Variants in DMD observed in about 807,000 individuals in gnomAD.
The protein encoded by DMD is dystrophin, also known as mutant dystrophin.
DMD carries 63 observed loss-of-function variants against 330.1 expected under a neutral mutation model. That is an observed-to-expected ratio of 0.19 (90% CI 0.16 to 0.24). DMD has a LOEUF of 0.24. DMD is among the 10% of genes least tolerant of loss of function. The pLI, the probability that DMD is intolerant of heterozygous loss-of-function variation, is 1.00. For missense variants in DMD, 3,344 were observed against 2,684.1 expected (o/e 1.25, Z -5.43); for synonymous variants, 1,223 against 959.8 (o/e 1.27, Z -5.07).
At chrX:33,091,570 C>A (rs1254768663) in intron 1 of DMD, among the ~76,000 whole-genome samples, 1 of 111,985 alleles carries the variant, frequency 8.9e-6, no homozygotes, top group East Asian at 2.8e-4. Flanking sequence ...GTTTTTTCTA[C>A]TTTTTATTTC....
At chrX:31,483,337 C>T (rs775093818) in intron 57 of DMD, among the ~76,000 whole-genome samples, 9 of 111,748 alleles carry the variant, frequency 8.1e-5, no homozygotes, top group African/African-American at 9.8e-5. Context: ...TGAGCCACCA[C>T]GCCCGGCCGG....
At chrX:32,377,896 T>C (rs2097910309) in intron 34 of DMD, among the ~76,000 whole-genome samples, 1 of 111,413 alleles carries the variant, frequency 9.0e-6, no homozygotes, top group Non-Finnish European at 1.9e-5. Context: ...TAGACTACTT[T>C]AGACTTCTGC....
intron 1 of DMD, among the ~76,000 whole-genome samples, chrX:33,274,133 A>G (rs1485373402): frequency 1.8e-5 from 2 of 112,116 alleles, no homozygotes; most frequent in Non-Finnish European, 3.8e-5. Context: ...TCATCTCCCT[A>G]TTACTGGAAA....
chrX:31,180,640 T>G (rs1270324133), intron 68 of DMD, among the ~76,000 whole-genome samples, 159 bp from the exon 69 acceptor site: 2 of 111,911 alleles, frequency 1.8e-5, no homozygotes, highest in Admixed American at 9.5e-5. Context: ...TCCAGATTTT[T>G]CCGGTGCCTC....
chrX:33,012,851 G>A (rs143063056), intron 2 of DMD, among the ~76,000 whole-genome samples: 3 of 111,111 alleles, frequency 2.7e-5, no homozygotes, highest in African/African-American at 9.8e-5. Context: ...CTTATGATGG[G>A]TTTATAGGGA....
intron 2 of DMD, among the ~76,000 whole-genome samples, chrX:32,981,127 G>A (rs1173249205): frequency 9.0e-6 from 1 of 111,648 alleles, no homozygotes; most frequent in African/African-American, 3.3e-5. Flanking sequence ...TCCACAATTG[G>A]ATATTTGAAA....
chrX:32,565,837 T>G lies in DMD; in HGVS notation c.1857A>C (p.Lys619Asn). The change falls in exon 16 of 79, where the codon AAA (lysine) becomes AAC (asparagine). Residue 619 changes from lysine (K) to asparagine (N), a missense_variant. Lys to Asn is a moderately conservative substitution (Grantham distance 94). Transcript: ENST00000357033. ...GAAGATCTTGTTTGAGTGAATACAG[T>G]TTGCCCATGGATTGCTTTTTCTTTT... The part of the protein sequence containing the change: ...DLEKKKQSMG[K>N]LYSLKQDLLS... The G allele has an allele frequency of 8.3e-7, 1 of 1,211,534 alleles. No homozygotes were observed. The highest frequency in any genetic ancestry group is 2.3e-4 in the Middle Eastern group (1 of 4,352).
At chrX:32,752,010 C>A (rs137904610) in intron 7 of DMD, among the ~76,000 whole-genome samples, 1 of 112,629 alleles carries the variant, frequency 8.9e-6, no homozygotes, top group East Asian at 2.8e-4. Flanking sequence ...ACCTGGATGC[C>A]CAGGTAGAAG....
chrX:32,466,558 G>C (rs574400292), intron 23 of DMD, among the ~76,000 whole-genome samples: 2 of 111,195 alleles, frequency 1.8e-5, no homozygotes, highest in East Asian at 2.8e-4. Context: ...TCTGAGATGG[G>C]GAGATTATAC....
rs1569553629 is a variant in DMD, at chrX:32,252,727, TATATAA to T, written c.6290+34796_6290+34801del. 1.3e-3 allele frequency among the ~76,000 whole-genome samples: 57 copies of T among 44,496 alleles called. 1 individual carries two copies. Among genetic ancestry groups the T allele is most frequent in the Non-Finnish European group, 1.5e-3 (45 of 29,850 alleles). 38.6% of individuals were successfully genotyped at this position (44,496 alleles called of 115,157 possible). ...ATATAAATATATAAATATATATAAA[TATATAA>T]ATATATATATAAATATATATAAATA... On this transcript the variant is annotated intron_variant, in intron 43 of 78. Transcript: ENST00000357033.
At chrX:33,040,626 A>T (rs755946978) in intron 1 of DMD, among the ~76,000 whole-genome samples, 1 of 110,981 alleles carries the variant, frequency 9.0e-6, no homozygotes, top group African/African-American at 3.3e-5. Flanking sequence ...TGCTACAGCA[A>T]CAACAACCCC....
chrX:31,449,795 T>G (rs5002920), intron 59 of DMD, among the ~76,000 whole-genome samples: 18,231 of 80,971 alleles, frequency 0.23, 2,388 homozygotes, highest in African/African-American at 0.38. Context: ...TATATATATA[T>G]ATAGATAGAT....
intron 62 of DMD, among the ~76,000 whole-genome samples, chrX:31,309,150 A>G (rs2055278707): frequency 8.9e-6 from 1 of 112,245 alleles, no homozygotes; most frequent in Non-Finnish European, 1.9e-5. Flanking sequence ...TGTGAGATAT[A>G]TAATACATGC....
intron 1 of DMD, among the ~76,000 whole-genome samples, chrX:33,332,997 T>C (rs974922553): frequency 9.0e-6 from 1 of 111,003 alleles, no homozygotes; most frequent in Non-Finnish European, 1.9e-5. Flanking sequence ...AGTTCAATAT[T>C]CTTACCCTTG....
chrX:31,787,741 T>A (rs2091378497), intron 50 of DMD, among the ~76,000 whole-genome samples: 1 of 112,229 alleles, frequency 8.9e-6, no homozygotes, highest in African/African-American at 3.2e-5. Flanking sequence ...AAACATGTTA[T>A]GAATTGCAGG....
intron 1 of DMD, among the ~76,000 whole-genome samples, chrX:33,256,410 C>A (rs5971701): frequency 9.1e-6 from 1 of 109,729 alleles, no homozygotes; most frequent in Non-Finnish European, 1.9e-5. Flanking sequence ...ACCATCCTAG[C>A]GTCAAGCATG....
intron 34 of DMD, among the ~76,000 whole-genome samples, chrX:32,368,524 T>A (rs150970340): frequency 9.0e-6 from 1 of 111,672 alleles, no homozygotes; most frequent in Admixed American, 9.5e-5. Flanking sequence ...ACTAAAAGAA[T>A]ACATTTGATG....
intron 42 of DMD, among the ~76,000 whole-genome samples, chrX:32,303,866 C>A (rs1192186204): frequency 9.0e-6 from 1 of 110,614 alleles, no homozygotes; most frequent in Non-Finnish European, 1.9e-5. Context: ...CTACCAGGCA[C>A]TACATTAATG....
chrX:32,155,398 C>T (rs765046768), intron 44 of DMD: 3 of 752,299 alleles, frequency 4.0e-6, no homozygotes, highest in Admixed American at 8.8e-5. Context: ...AAACCTCTTT[C>T]GGTCCCCACG....
Sources: allele counts gnomAD v4.1 joint callset (sites outside exome capture counted in the v4.1 genomes callset), GRCh38; gene constraint gnomAD v4.1.1; transcripts MANE v1.5; gene names NCBI Gene and HGNC (gene_info 2026-07-23, HGNC 2026-07-21).